The following USP42 variants were observed in gnomAD, a reference collection of about 807,000 sequenced individuals.
The protein encoded by USP42 is ubiquitin specific peptidase 42, also known as ubiquitin carboxyl-terminal hydrolase 42.
Under a neutral mutation model 113.0 loss-of-function variants are expected in USP42, and 23 were observed. The observed-to-expected ratio is 0.20, with a 90% CI of 0.15 to 0.29. The LOEUF (loss-of-function observed/expected upper bound fraction) is 0.29, where lower values mean the gene tolerates loss of function less well. Ranked by LOEUF, USP42 falls within the 10% of genes least tolerant of loss-of-function variation. The probability of loss-of-function intolerance (pLI) is 1.00; values close to 1 mark genes in which losing one functional copy is unlikely to be tolerated. For missense variants in USP42, 2,174 were observed against 1,779.8 expected, an observed-to-expected ratio of 1.22 and a Z score of -3.99; for synonymous variants, 933 against 699.0, an observed-to-expected ratio of 1.33 and a Z score of -5.28.
chr7:6,137,435 T>A (rs1023538639), intron 4 of USP42, among the ~76,000 whole-genome samples: 1 of 152,254 alleles, frequency 6.6e-6, no homozygotes, highest in Non-Finnish European at 1.5e-5. Flanking sequence ...CTTGGCTCAC[T>A]ACAACCTCTG....
Position 6,150,089 on chromosome 7 carries a change from T to C in USP42, c.1893T>C (p.Ile631=). 1 of 1,610,552 alleles carries C rather than the reference T, an allele frequency of 6.2e-7. No individual in the cohort carries two copies. Among genetic ancestry groups the C allele is most frequent in the Non-Finnish European group, 8.5e-7 (1 of 1,178,334 alleles). The change falls in exon 13 of 18, where the codon ATT becomes ATC. Residue 631 remains isoleucine (I), a synonymous_variant. Transcript: ENST00000306177. ...GCAAGGAGAATGGGATTGGTACGAT[T>C]GTGAGCTCCCACTCTCCCGGCCAAG... ...GLGKENGIGT[I]VSSHSPGQDA... is the part of the protein sequence containing the mutation.
At chr7:6,116,085 C>T (rs904184890) in intron 3 of USP42, among the ~76,000 whole-genome samples, 2 of 135,184 alleles carry the variant, frequency 1.5e-5, no homozygotes, top group Admixed American at 8.0e-5. Flanking sequence ...GCCTAGACAA[C>T]AGAAAGAGAC....
At chr7:6,147,611 G>T in intron 11 of USP42, 128 bp from the exon 12 acceptor site, 1 of 1,041,508 alleles carries the variant, frequency 9.6e-7, no homozygotes. Context: ...TCCATACTGT[G>T]TAGCATAAAC....
At chr7:6,104,232 G>A (rs1234280495), upstream of USP42, among the ~76,000 whole-genome samples, 2 of 151,212 alleles carry the variant, frequency 1.3e-5, no homozygotes, top group African/African-American at 4.9e-5. Flanking sequence ...ACAGGCGCGC[G>A]CCACCACGCC....
At chr7:6,118,133 C>A (rs1780015549) in intron 3 of USP42, among the ~76,000 whole-genome samples, 2 of 151,862 alleles carry the variant, frequency 1.3e-5, no homozygotes, top group South Asian at 4.2e-4. Flanking sequence ...GTGGCTCATG[C>A]CTGTAATCCC....
chr7:6,157,265 C>T lies in USP42; in HGVS notation c.3943+210C>T, dbSNP rs1782507625. On this transcript the variant is annotated intron_variant, in intron 16 of 17. Coordinates refer to ENST00000306177, the MANE Select transcript of USP42 (RefSeq NM_032172.3). The surrounding 1 kb of genome is among the most constrained non-coding windows in gnomAD (Gnocchi z 4.1). ...TTAAGCCCTTAGCGTTTATTGAAGG[C>T]CTAAGTGACACAGGACTGAGGGCAG... is the stretch of plus-strand genomic sequence containing the variant. 5 of 1,320,898 alleles carry T rather than the reference C, an allele frequency of 3.8e-6. No homozygotes were observed. Among genetic ancestry groups the T allele is most frequent in the Middle Eastern group, 1.9e-4 (1 of 5,186 alleles). The allele number at this position is 1,320,898 out of a possible 1,614,324, so 81.8% of individuals were successfully genotyped here.
At position 6,159,630 on chromosome 7, in the gene USP42, G is replaced by T; in HGVS notation, c.*36+137G>T. The T allele has an allele frequency of 1.2e-6, 1 of 855,284 alleles. No homozygotes were observed. Among genetic ancestry groups the T allele is most frequent in the Non-Finnish European group, 1.8e-6 (1 of 551,782 alleles). 53.0% of individuals were successfully genotyped at this position (855,284 alleles called of 1,614,324 possible). ...GCAGAGCCATGGAGAGGCCCCGGCA[G>T]GTTCCCAGCCAGCCCAGACCCAGGC... On this transcript the variant is annotated intron_variant, in intron 17 of 17. Coordinates refer to ENST00000306177, the MANE Select transcript of USP42 (RefSeq NM_032172.3). This position sits in a 1 kb window ranked among gnomAD's most constrained non-coding sequence, Gnocchi z 4.1.
chr7:6,107,007 C>G (rs1779319370), intron 1 of USP42, among the ~76,000 whole-genome samples: 2 of 152,224 alleles, frequency 1.3e-5, no homozygotes, highest in Admixed American at 1.3e-4. Context: ...TTAAGTCCTA[C>G]ATAACATTGT....
intron 3 of USP42, among the ~76,000 whole-genome samples, chr7:6,134,841 A>T (rs1781041536): frequency 6.6e-6 from 1 of 152,152 alleles, no homozygotes; most frequent in African/African-American, 2.4e-5. Context: ...GCTGTAGTGC[A>T]GTGGTGTGAT....
At chr7:6,142,534 A>G (rs1043734095) in intron 7 of USP42, among the ~76,000 whole-genome samples, 3 of 152,204 alleles carry the variant, frequency 2.0e-5, no homozygotes, top group Admixed American at 1.3e-4. Flanking sequence ...TTCTTTTTAC[A>G]TAAAAATTTT....
chr7:6,132,174 C>A (rs1288140880), intron 3 of USP42, among the ~76,000 whole-genome samples: 2 of 152,142 alleles, frequency 1.3e-5, no homozygotes, highest in Non-Finnish European at 2.9e-5. Context: ...GATCCACCCG[C>A]CTTGGCTTCC....
chr7:6,156,646 TCTGC>T, intron 15 of USP42, 104 bp from the exon 16 acceptor site: 3 of 1,431,306 alleles, frequency 2.1e-6, no homozygotes, highest in East Asian at 2.5e-5. Flanking sequence ...ATTGTGCGTG[TCTGC>T]ACAGTGAATG....
rs1447196655 is a variant in USP42 at position 6,154,276 on chromosome 7, C to G, written c.2722C>G (p.Pro908Ala). Reference sequence around the variant, plus strand: ...GCCAGCTCCTGTGCTGGACATGGCCCCGGCCGGTCACCCGGAAGGGGACGC... The same window carrying G: ...GCCAGCTCCTGTGCTGGACATGGCCGCGGCCGGTCACCCGGAAGGGGACGC... ...RPPAPVLDMA[P>A]AGHPEGDAEP... is the part of the protein sequence containing the mutation. Residue 908 changes from proline (P) to alanine (A), a missense_variant, in exon 15 of 18, where the codon CCG (proline) becomes GCG (alanine). Pro to Ala is a conservative substitution (Grantham distance 27). Transcript: ENST00000306177. The G allele has an allele frequency of 6.3e-7, 1 of 1,596,572 alleles. No individual in the cohort carries two copies. Among genetic ancestry groups the G allele is most frequent in the Middle Eastern group, 1.7e-4 (1 of 5,930 alleles).
chr7:6,103,516 C>CAA (rs200050634), upstream of USP42, among the ~76,000 whole-genome samples: 2,068 of 135,886 alleles, frequency 0.015, 34 homozygotes, highest in Middle Eastern at 0.067. Flanking sequence ...AACTCCGTCT[C>CAA]AAAAAAAAAA....
At position 6,155,067 on chromosome 7, in the gene USP42, C is replaced by T. The variant is rs1272301074; in HGVS notation, c.3513C>T (p.Asp1171=). 1.2e-5 allele frequency: 19 copies of T among 1,563,486 alleles called. No homozygotes were observed. Among genetic ancestry groups the T allele is most frequent in the Non-Finnish European group, 1.6e-5 (19 of 1,153,996 alleles). Residue 1171 remains aspartate, a synonymous_variant, in exon 15 of 18, where the codon GAC becomes GAT. Coordinates refer to ENST00000306177, the MANE Select transcript of USP42 (RefSeq NM_032172.3). ...KRRHDSVENS[D]SHVEKKARRS... is the part of the protein sequence containing the mutation. ...GACACGACAGTGTGGAGAACAGTGA[C>T]AGTCATGTTGAAAAGAAAGCCCGGA...
intron 2 of USP42, 131 bp downstream of exon 2, chr7:6,111,505 C>G (rs185540174): frequency 9.5e-7 from 1 of 1,051,010 alleles, no homozygotes; most frequent in African/African-American, 1.6e-5. Flanking sequence ...AGTTGTATTA[C>G]TTGATGGGCT....
Position 6,139,089 on chromosome 7 carries a change from C to T in USP42, c.554-3C>T, listed in dbSNP as rs764850182. 1.9e-6 allele frequency: 3 copies of T among 1,597,986 alleles called. No individual in the cohort carries two copies. Among genetic ancestry groups the T allele is most frequent in the South Asian group, 2.3e-5 (2 of 87,978 alleles). On this transcript the variant is annotated splice_polypyrimidine_tract_variant and splice_region_variant and intron_variant, in intron 4 of 17. Transcript: ENST00000306177. The surrounding 1 kb of genome is among the most constrained non-coding windows in gnomAD (Gnocchi z 4.5). Reference sequence around the variant, plus strand: ...AAGCCTTGTCTTTACCGAAATTTTACAGGTATAGCTAGGCACTTCCGTTTT... The same window carrying T: ...AAGCCTTGTCTTTACCGAAATTTTATAGGTATAGCTAGGCACTTCCGTTTT...
chr7:6,146,379 C>A, intron 11 of USP42, 131 bp downstream of exon 11: 1 of 661,130 alleles, frequency 1.5e-6, no homozygotes, highest in Non-Finnish European at 2.5e-6. Flanking sequence ...TCAACTCTAG[C>A]CTGGGCATGG....
In USP42 at chr7:6,161,076, T is replaced by TAGAC. The variant is rs1364205071; in HGVS notation, c.*560_*563dup. 1 of 152,690 alleles carries TAGAC rather than the reference T, an allele frequency of 6.5e-6. No homozygotes were observed. Among genetic ancestry groups the TAGAC allele is most frequent in the Non-Finnish European group, 1.5e-5 (1 of 68,050 alleles). The allele number at this position is 152,690 out of a possible 1,614,324, so 9.5% of individuals were successfully genotyped here. On this transcript the variant is annotated 3_prime_UTR_variant, in exon 18 of 18. Transcript: ENST00000306177. ...ATTCAAGATTTGAAGATGTATTTTATAGACAAGTTCTGTTTTTGAACTTTG... is the reference window on the plus strand; with the variant it reads ...ATTCAAGATTTGAAGATGTATTTTATAGACAGACAAGTTCTGTTTTTGAACTTTG...
Sources: allele counts gnomAD v4.1 joint callset (sites outside exome capture counted in the v4.1 genomes callset), GRCh38; gene constraint gnomAD v4.1.1; non-coding constraint Gnocchi (gnomAD v3.1); transcripts MANE v1.5; gene names NCBI Gene and HGNC (gene_info 2026-07-23, HGNC 2026-07-21).